Variants in EHBP1 observed in about 807,000 individuals in gnomAD.
The protein encoded by EHBP1 is EH domain binding protein 1, also known as EH domain-binding protein 1.
In EHBP1, 55 loss-of-function variants were observed where a neutral mutation model predicts 144.0. The ratio of observed to expected loss-of-function variants is 0.38; its 90% confidence interval spans 0.31 to 0.48. EHBP1 has a LOEUF of 0.48. Among genes scored for constraint, EHBP1 ranks in the 20% least tolerant of loss-of-function variants. EHBP1 has a pLI of 0.98. For synonymous variants in EHBP1, 469 were observed against 472.7 expected, an observed-to-expected ratio of 0.99 and a Z score of 0.10; for missense variants, 1,200 against 1,364.2, an observed-to-expected ratio of 0.88 and a Z score of 1.90.
intron 19 of EHBP1, among the ~76,000 whole-genome samples, chr2:63,005,462 T>G (rs1288811532): frequency 1.3e-5 from 2 of 152,058 alleles, no homozygotes; most frequent in Admixed American, 6.6e-5. Context: ...TCTCTCAGGG[T>G]CAGAATGCCA....
At chr2:62,737,211 CG>C (rs1377035608) in intron 2 of EHBP1, among the ~76,000 whole-genome samples, 1 of 152,138 alleles carries the variant, frequency 6.6e-6, no homozygotes, top group African/African-American at 2.4e-5. Flanking sequence ...AGTCAGGCCT[CG>C]TTAAGAAAAG....
intron 14 of EHBP1, among the ~76,000 whole-genome samples, chr2:62,969,455 A>G (rs910351292): frequency 3.3e-5 from 5 of 152,196 alleles, no homozygotes; most frequent in Admixed American, 2.6e-4. Context: ...TTTAAAAACT[A>G]GAGTATGATA....
At chr2:62,685,912 C>T (rs556959930) in intron 1 of EHBP1, among the ~76,000 whole-genome samples, 1 of 152,070 alleles carries the variant, frequency 6.6e-6, no homozygotes, top group African/African-American at 2.4e-5. Context: ...TTTAGAGCAA[C>T]AAATTGAAGA....
intron 5 of EHBP1, among the ~76,000 whole-genome samples, chr2:62,814,942 T>C (rs764668246): frequency 1.6e-4 from 24 of 152,212 alleles, no homozygotes; most frequent in Non-Finnish European, 3.2e-4. Context: ...ATAATCCATA[T>C]TGGAAAATAG....
At chr2:62,739,378 T>C (rs1448942018) in intron 2 of EHBP1, among the ~76,000 whole-genome samples, 1 of 151,978 alleles carries the variant, frequency 6.6e-6, no homozygotes, top group Non-Finnish European at 1.5e-5. Context: ...AATGGTCAGA[T>C]TGATAGATTC....
chr2:62,809,366 C>G (rs191386268), intron 5 of EHBP1, among the ~76,000 whole-genome samples: 12 of 151,810 alleles, frequency 7.9e-5, no homozygotes, highest in Non-Finnish European at 1.0e-4. Context: ...CCTCCCCTCT[C>G]CCCCAACTGG....
chr2:62,905,940 ATAG>A (rs2053776401), intron 10 of EHBP1, among the ~76,000 whole-genome samples: 1 of 152,168 alleles, frequency 6.6e-6, no homozygotes, highest in Non-Finnish European at 1.5e-5. Flanking sequence ...TACAGTGGTG[ATAG>A]TAGAGATGGA....
At chr2:62,851,046 G>T (rs373976380) in intron 7 of EHBP1, among the ~76,000 whole-genome samples, 1 of 152,114 alleles carries the variant, frequency 6.6e-6, no homozygotes, top group Non-Finnish European at 1.5e-5. Flanking sequence ...TGCCTATCCT[G>T]CATGCCAAAT....
At chr2:62,983,948 T>C (rs1449636006) in intron 15 of EHBP1, among the ~76,000 whole-genome samples, 1 of 152,234 alleles carries the variant, frequency 6.6e-6, no homozygotes, top group Non-Finnish European at 1.5e-5. Flanking sequence ...ATGATCCTTA[T>C]TATTTCAGTT....
intron 5 of EHBP1, among the ~76,000 whole-genome samples, chr2:62,806,724 T>C (rs1378187891): frequency 1.3e-5 from 2 of 149,310 alleles, no homozygotes; most frequent in Non-Finnish European, 1.5e-5. Flanking sequence ...TAATTGTTAA[T>C]TTTTTTTTTT....
chr2:62,786,252 A>G (rs924142482), intron 5 of EHBP1, among the ~76,000 whole-genome samples: 5 of 152,088 alleles, frequency 3.3e-5, no homozygotes, highest in Admixed American at 1.3e-4. Context: ...ATGTGGTATC[A>G]AGGCCTCTCC....
intron 5 of EHBP1, among the ~76,000 whole-genome samples, chr2:62,792,550 A>G (rs2043230667): frequency 6.6e-6 from 1 of 152,054 alleles, no homozygotes; most frequent in South Asian, 2.1e-4. Context: ...AAACGAACTC[A>G]TCACTTATTT....
intron 10 of EHBP1, among the ~76,000 whole-genome samples, chr2:62,940,831 T>G (rs2056712829): frequency 6.6e-6 from 1 of 152,208 alleles, no homozygotes; most frequent in Admixed American, 6.5e-5. Context: ...TTTGGTTTAG[T>G]TCTTCTAGCC....
chr2:62,776,825 C>T (rs2042085180), intron 5 of EHBP1, among the ~76,000 whole-genome samples: 1 of 152,082 alleles, frequency 6.6e-6, no homozygotes, highest in Admixed American at 6.6e-5. Context: ...ATCTGTTCAT[C>T]CAGACAGTTG....
chr2:62,736,474 T>C (rs1191777398), intron 2 of EHBP1, among the ~76,000 whole-genome samples: 1 of 152,188 alleles, frequency 6.6e-6, no homozygotes, highest in Non-Finnish European at 1.5e-5. Context: ...TCCACCTGCC[T>C]TGGCCTCGCA....
At chr2:63,035,986 C>G (rs1312851524) in intron 19 of EHBP1, among the ~76,000 whole-genome samples, 1 of 151,952 alleles carries the variant, frequency 6.6e-6, no homozygotes, top group Non-Finnish European at 1.5e-5. Context: ...AGAATCTGTC[C>G]TAAGTCGGCT....
intron 6 of EHBP1, among the ~76,000 whole-genome samples, chr2:62,830,153 G>GACACACACACACACACACAC (rs368948717): frequency 2.3e-5 from 3 of 132,136 alleles, no homozygotes; most frequent in Non-Finnish European, 4.7e-5. Context: ...TATATATATA[G>GACACACACACACACACACAC]ACACACACAC....
chr2:63,038,907 T>C (rs2061550408), intron 21 of EHBP1, 91 bp downstream of exon 21: 1 of 1,277,786 alleles, frequency 7.8e-7, no homozygotes, highest in African/African-American at 1.5e-5. Context: ...TTACTAGATC[T>C]GGTGTACTAG....
intron 2 of EHBP1, among the ~76,000 whole-genome samples, chr2:62,725,806 T>C (rs942508818): frequency 3.3e-5 from 5 of 152,074 alleles, no homozygotes; most frequent in Non-Finnish European, 4.4e-5. Flanking sequence ...TGGGGGGTTG[T>C]CATGATTGGA....
Sources: gnomAD v4.1 joint callset for allele counts (sites outside exome capture counted in the v4.1 genomes callset) on GRCh38, gnomAD v4.1.1 for gene constraint, MANE v1.5 for transcripts, NCBI Gene and HGNC (gene_info 2026-07-23, HGNC 2026-07-21) for gene names.